Variants in RSF1 observed in about 807,000 individuals in gnomAD.
RSF1 encodes the protein HBV pX-associated protein 8.
Under a neutral mutation model 145.2 loss-of-function variants are expected in RSF1, and 13 were observed. That is an observed-to-expected ratio of 0.09 (90% CI 0.06 to 0.14). The LOEUF (loss-of-function observed/expected upper bound fraction) is 0.14. Ranked by LOEUF, RSF1 falls within the 10% of genes least tolerant of loss-of-function variation. The pLI is 1.00. For synonymous variants in RSF1, 577 were observed against 592.6 expected (o/e 0.97, Z 0.38); for missense variants, 1,517 against 1,718.2 (o/e 0.88, Z 2.07).
At chr11:77,748,497 T>C (rs1948026869) in intron 2 of RSF1, among the ~76,000 whole-genome samples, 1 of 152,044 alleles carries the variant, frequency 6.6e-6, no homozygotes, top group Admixed American at 6.6e-5. Context: ...CTAGAATATA[T>C]TACTTCCTCT....
intron 1 of RSF1, chr11:77,813,549 G>T (rs910033603): frequency 7.0e-6 from 5 of 718,520 alleles, no homozygotes; most frequent in African/African-American, 5.2e-5. Context: ...CTTTGCCTCT[G>T]CTCCTCTGAT....
Position 77,700,816 on chromosome 11 carries a change from C to G in RSF1, c.2413G>C (p.Asp805His). The G allele has an allele frequency of 6.2e-7, 1 of 1,612,666 alleles. No individual in the cohort carries two copies. The highest frequency in any genetic ancestry group is 2.2e-5 in the East Asian group (1 of 44,862). ...KADKKRGEGE[D>H]EVEEESTALQ... ...GCTGTTGACTCTTCTTCCACCTCAT[C>G]TTCTCCTTCCCCTCTTTTTTTATCA... is the stretch of plus-strand genomic sequence containing the variant. Residue 805 changes from aspartate (D) to histidine (H), a missense_variant, in exon 6 of 16, where the codon GAT becomes CAT. Physicochemically the swap from Asp to His is moderately conservative, Grantham distance 81. Transcript: ENST00000308488.
rs552646733 is a variant in RSF1, at chr11:77,770,152, C to T, written c.188-5463G>A. Among the ~76,000 whole-genome samples the T allele has an allele frequency of 5.0e-4, 76 of 152,222 alleles. 1 individual carries two copies. The South Asian group carries it at 0.014, about 29-fold the overall frequency. On this transcript the variant is annotated intron_variant, in intron 1 of 15. Coordinates refer to ENST00000308488, the MANE Select transcript of RSF1 (RefSeq NM_016578.4). Reference sequence around the variant, plus strand: ...TCAAGACTATGAACTGTAACTTAGACGATCATCTAAAAAGGTATAGTACAG... The same window carrying T: ...TCAAGACTATGAACTGTAACTTAGATGATCATCTAAAAAGGTATAGTACAG...
chr11:77,752,454 T>C (rs1195026317), intron 2 of RSF1, among the ~76,000 whole-genome samples: 1 of 152,088 alleles, frequency 6.6e-6, no homozygotes, highest in East Asian at 1.9e-4. Flanking sequence ...TTCTTAACTG[T>C]TTTTTCACGC....
the RSF1 span, among the ~76,000 whole-genome samples, chr11:77,859,863 C>T: frequency 1.3e-5 from 2 of 152,346 alleles, no homozygotes; most frequent in East Asian, 1.9e-4. Context: ...TCAAGTAATA[C>T]AGCCTGATAT....
chr11:77,825,168 G>A (rs1253194760), upstream of RSF1, among the ~76,000 whole-genome samples: 3 of 152,004 alleles, frequency 2.0e-5, no homozygotes, highest in Non-Finnish European at 2.9e-5. Context: ...ATTTTTGGTA[G>A]AGACGGGGTT....
chr11:77,682,330 GTTTTCC>G (rs1959884670), intron 11 of RSF1, among the ~76,000 whole-genome samples: 1 of 152,120 alleles, frequency 6.6e-6, no homozygotes, highest in Non-Finnish European at 1.5e-5. Context: ...AAAATCCACT[GTTTTCC>G]TTTTCCAGTT....
chr11:77,701,367 C>T lies in RSF1; in HGVS notation c.1862G>A (p.Gly621Asp), dbSNP rs1277761062. The T allele has an allele frequency of 3.1e-6, 5 of 1,613,934 alleles. 1 individual carries two copies. In the South Asian group the frequency reaches 4.4e-5, roughly 14 times the overall value. ...PKSTLESEKP[G>D]SPEAAETSPP... ...AGAAGTTTCAGCTGCCTCAGGAGAGCCAGGCTTTTCTGACTCTAGAGTACT... is the reference window on the plus strand; with the variant it reads ...AGAAGTTTCAGCTGCCTCAGGAGAGTCAGGCTTTTCTGACTCTAGAGTACT... Residue 621 changes from glycine (G) to aspartate (D), a missense_variant, in exon 6 of 16, where the codon GGC becomes GAC. By Grantham distance (94) the Gly-to-Asp change is moderately conservative (BLOSUM62 -1). This residue lies in a region of RSF1 where 579 missense variants were observed against 553.5 expected (regional missense o/e 1.05). Transcript: ENST00000308488.
At chr11:77,747,187 C>G in intron 2 of RSF1, 59 bp from the exon 3 acceptor site, 1 of 1,037,232 alleles carries the variant, frequency 9.6e-7, no homozygotes, top group Non-Finnish European at 1.5e-6. Context: ...TGTTTGCAGG[C>G]TTGTACAACT....
intron 1 of RSF1, among the ~76,000 whole-genome samples, chr11:77,811,491 G>T (rs1443628779): frequency 6.6e-6 from 1 of 152,108 alleles, no homozygotes; most frequent in African/African-American, 2.4e-5. Context: ...AGATTGAAGT[G>T]GTTAATTTAA....
intron 1 of RSF1, among the ~76,000 whole-genome samples, chr11:77,806,456 A>G (rs1304879290): frequency 2.0e-5 from 3 of 152,188 alleles, no homozygotes; most frequent in African/African-American, 4.8e-5. Flanking sequence ...CATCTCAGGC[A>G]TCTCAGGCAC....
At chr11:77,749,496 A>G (rs1023700190) in intron 2 of RSF1, among the ~76,000 whole-genome samples, 3 of 152,184 alleles carry the variant, frequency 2.0e-5, no homozygotes, top group Non-Finnish European at 4.4e-5. Flanking sequence ...CTGAGAGGTG[A>G]AAAACGACAT....
chr11:77,742,980 A>G (rs1947957778), intron 3 of RSF1, among the ~76,000 whole-genome samples: 1 of 152,186 alleles, frequency 6.6e-6, no homozygotes, highest in African/African-American at 2.4e-5. Context: ...TTTTCCCAGC[A>G]CCATTTATTG....
At chr11:77,692,232 A>AGTTTTTTTTT (rs1565149884) in intron 8 of RSF1, among the ~76,000 whole-genome samples, 1 of 59,738 alleles carries the variant, frequency 1.7e-5, no homozygotes, top group Non-Finnish European at 3.0e-5. Context: ...ACTACTTTTA[A>AGTTTTTTTTT]ATTTTTTTTT....
chr11:77,845,915 G>C, the RSF1 span, among the ~76,000 whole-genome samples: 10 of 152,052 alleles, frequency 6.6e-5, no homozygotes, highest in Admixed American at 5.2e-4. Context: ...CTCTGGGATA[G>C]TTTCTACTGT....
the RSF1 span, among the ~76,000 whole-genome samples, chr11:77,840,426 G>A: frequency 1.3e-5 from 2 of 152,160 alleles, no homozygotes; most frequent in Non-Finnish European, 2.9e-5. Context: ...CTACTTGGGA[G>A]GCTGAGGCAG....
chr11:77,749,305 T>C (rs577399779), intron 2 of RSF1, among the ~76,000 whole-genome samples: 1 of 152,264 alleles, frequency 6.6e-6, no homozygotes, highest in African/African-American at 2.4e-5. Context: ...TTCTGGTATG[T>C]GAATATCTCA....
intron 6 of RSF1, 143 bp downstream of exon 6, chr11:77,700,578 G>A (rs556914550): frequency 4.9e-5 from 29 of 594,734 alleles, no homozygotes; most frequent in Admixed American, 1.4e-4. Flanking sequence ...ATAAGTAAGA[G>A]TATAAAGTCT....
intron 1 of RSF1, among the ~76,000 whole-genome samples, chr11:77,812,542 G>A (rs532385850): frequency 1.3e-5 from 2 of 152,138 alleles, no homozygotes; most frequent in Non-Finnish European, 2.9e-5. Flanking sequence ...ACAGGAGGCT[G>A]AAGCCTGGTC....
Sources: gnomAD v4.1 joint callset for allele counts (sites outside exome capture counted in the v4.1 genomes callset) on GRCh38, gnomAD v4.1.1 for gene constraint, gnomAD v4.1.1 regional missense constraint, MANE v1.5 for transcripts, NCBI Gene and HGNC (gene_info 2026-07-23, HGNC 2026-07-21) for gene names.